Variants in PYGB observed in about 807,000 individuals in gnomAD.
PYGB encodes glycogen phosphorylase B.
PYGB carries 82 observed loss-of-function variants against 94.3 expected under a neutral mutation model. The observed-to-expected ratio is 0.87, with a 90% CI of 0.73 to 1.04. The LOEUF is 1.04. Among genes scored for constraint, PYGB ranks in the 50% least tolerant of loss-of-function variants. The pLI is 0.00. For missense variants in PYGB, 1,132 were observed against 1,158.2 expected (o/e 0.98, Z 0.33); for synonymous variants, 488 against 479.1 (o/e 1.02, Z -0.24).
At chr20:25,280,896 G>A (rs950084947) in intron 10 of PYGB, 53 bp from the exon 11 acceptor site, 26 of 1,588,128 alleles carry the variant, frequency 1.6e-5, no homozygotes, top group Non-Finnish European at 2.1e-5. Context: ...GGAGTGCTGG[G>A]TCTCCGTGGG....
In PYGB at chr20:25,278,286, C is replaced by G. The variant is rs1448692121; in HGVS notation, c.856-33C>G. ...TTCCTGGGGGAGGAGAATGGCCCAG[C>G]CTGCACCCTCCAGCTTGCTCTGCTG... On this transcript the variant is annotated intron_variant, in intron 7 of 19. Transcript: ENST00000216962. 5 of 973,636 alleles carry G rather than the reference C, an allele frequency of 5.1e-6. No homozygotes were observed. In the African/African-American group the frequency reaches 2.0e-4, roughly 38 times the overall value. 60.3% of individuals were successfully genotyped at this position (973,636 alleles called of 1,614,324 possible). A position where few individuals can be genotyped will look rare whatever the true frequency, so the allele number is the denominator to read the frequency against.
intron 1 of PYGB, among the ~76,000 whole-genome samples, chr20:25,253,467 T>C (rs1466864004): frequency 6.6e-6 from 1 of 151,578 alleles, no homozygotes; most frequent in African/African-American, 2.4e-5. Context: ...GCCTGACCAA[T>C]ATGGTGAAAC....
In PYGB at chr20:25,280,807, C is replaced by A; in HGVS notation, c.1240-142C>A. 5 of 1,104,704 alleles carry A rather than the reference C, an allele frequency of 4.5e-6. No homozygotes were observed. The South Asian group carries it at 7.7e-5, about 17-fold the overall frequency. The allele number at this position is 1,104,704 out of a possible 1,614,324, so 68.4% of individuals were successfully genotyped here. On this transcript the variant is annotated intron_variant, in intron 10 of 19. Coordinates refer to ENST00000216962, the MANE Select transcript of PYGB (RefSeq NM_002862.4). ...GGGTCTGGGAGCACTTGAGGGAGGT[C>A]TGGCTGTCACAGCCCCAGAACTTCC...
At chr20:25,281,319 T>C (rs1427054649) in intron 11 of PYGB, among the ~76,000 whole-genome samples, 1 of 152,194 alleles carries the variant, frequency 6.6e-6, no homozygotes, top group African/African-American at 2.4e-5. Context: ...CACGGGGGCC[T>C]CTGGAGGGCT....
chr20:25,265,518 T>G lies in PYGB; in HGVS notation c.346-3611T>G, dbSNP rs113137099. Among the ~76,000 whole-genome samples the G allele has an allele frequency of 6.6e-3, 1,005 of 152,302 alleles. 15 individuals carry two copies. The highest frequency in any genetic ancestry group is 0.023 in the African/African-American group (963 of 41,548). ...TTCACGTGCTTGTGGGCCATTTGTATATCTTGTTTGAAGAAAAGCCTATTC... is the reference window on the plus strand; with the variant it reads ...TTCACGTGCTTGTGGGCCATTTGTAGATCTTGTTTGAAGAAAAGCCTATTC... On this transcript the variant is annotated intron_variant, in intron 2 of 19. Coordinates refer to ENST00000216962, the MANE Select transcript of PYGB (RefSeq NM_002862.4).
intron 2 of PYGB, among the ~76,000 whole-genome samples, chr20:25,263,787 T>C (rs2092918666): frequency 2.6e-5 from 4 of 152,152 alleles, no homozygotes; most frequent in African/African-American, 9.7e-5. Context: ...AGGCAATAAT[T>C]AATAGCCTAG....
chr20:25,279,226 G>T, intron 9 of PYGB, 77 bp downstream of exon 9: 1 of 1,446,072 alleles, frequency 6.9e-7, no homozygotes, highest in Middle Eastern at 1.8e-4. Flanking sequence ...GAGCTGAGCT[G>T]GGGGGCCTCT....
intron 1 of PYGB, among the ~76,000 whole-genome samples, chr20:25,255,678 A>G (rs1393128096): frequency 6.6e-6 from 1 of 152,036 alleles, no homozygotes; most frequent in Non-Finnish European, 1.5e-5. Context: ...GACCGGTTTC[A>G]GACCAGATCT....
At chr20:25,288,395 TTG>T in intron 14 of PYGB, 28 bp from the exon 15 acceptor site, 1 of 1,613,926 alleles carries the variant, frequency 6.2e-7, no homozygotes. Context: ...TCGCGGTGCC[TTG>T]TGTGAGTCTC....
chr20:25,270,251 G>A (rs1044834636), intron 3 of PYGB, among the ~76,000 whole-genome samples: 2 of 145,686 alleles, frequency 1.4e-5, no homozygotes, highest in Middle Eastern at 3.4e-3. Context: ...CGGCCAGGCT[G>A]GAGTGCAGTG....
At chr20:25,254,643 G>T (rs2092898094) in intron 1 of PYGB, among the ~76,000 whole-genome samples, 1 of 152,208 alleles carries the variant, frequency 6.6e-6, no homozygotes, top group African/African-American at 2.4e-5. Flanking sequence ...TAAAATGAAA[G>T]ATTAAAGTAG....
intron 1 of PYGB, among the ~76,000 whole-genome samples, chr20:25,255,590 C>T (rs1287491575): frequency 6.6e-6 from 1 of 152,216 alleles, no homozygotes; most frequent in African/African-American, 2.4e-5. Flanking sequence ...TAGAGGGCGG[C>T]TGGTCTGAGG....
At chr20:25,260,117 A>C (rs1053040130) in intron 2 of PYGB, among the ~76,000 whole-genome samples, 6 of 151,670 alleles carry the variant, frequency 4.0e-5, no homozygotes, top group African/African-American at 1.5e-4. Context: ...CCCCTGCAGG[A>C]CCTCATAGCA....
chr20:25,276,867 C>T lies in PYGB; in HGVS notation c.772+110C>T, dbSNP rs556218264. 119 of 979,386 alleles carry T rather than the reference C, an allele frequency of 1.2e-4. No homozygotes were observed. The South Asian group carries it at 1.2e-3, about 10-fold the overall frequency. 60.7% of individuals were successfully genotyped at this position (979,386 alleles called of 1,614,324 possible). On this transcript the variant is annotated intron_variant, in intron 6 of 19. Coordinates refer to ENST00000216962, the MANE Select transcript of PYGB (RefSeq NM_002862.4). ...GTGGCTCACTGTCCTGGAGGCCGCG[C>T]GGCCCTCCTCTAGGGTGTCCCTGCG...
rs183982249 is a variant in PYGB at position 25,269,152 on chromosome 20, C to T, written c.369C>T (p.Leu123=). ...AGTTGGGGTTAGACTTGGAGGAACT[C>T]GAGGAGATAGAAGAAGATGCTGGCC... ...IYQLGLDLEE[L]EEIEEDAGLG... Residue 123 remains leucine, a synonymous_variant, in exon 3 of 20, where the codon CTC becomes CTT. Coordinates refer to ENST00000216962, the MANE Select transcript of PYGB (RefSeq NM_002862.4). 1.0e-4 allele frequency: 160 copies of T among 1,596,888 alleles called. No individual in the cohort carries two copies. Among genetic ancestry groups the T allele is most frequent in the Middle Eastern group, 1.7e-4 (1 of 6,034 alleles).
chr20:25,292,730 GTGCCCACCCAGGGCTGTGTGCCTGCC>G lies in PYGB; in HGVS notation c.2177+121_2177+146del, dbSNP rs2088480822. The G allele has an allele frequency of 8.5e-6, 11 of 1,292,740 alleles. No individual in the cohort carries two copies. The South Asian group carries it at 1.4e-4, about 17-fold the overall frequency. 80.1% of individuals were successfully genotyped at this position (1,292,740 alleles called of 1,614,324 possible). On this transcript the variant is annotated intron_variant, in intron 17 of 19. Coordinates refer to ENST00000216962, the MANE Select transcript of PYGB (RefSeq NM_002862.4). ...GCCAGGCCACTGTGTGCTAGGGTCAGTGCCCACCCAGGGCTGTGTGCCTGCCTGCAGGGGTGACCATTTCCAGGTGC... is the reference window on the plus strand; with the variant it reads ...GCCAGGCCACTGTGTGCTAGGGTCAGTGCAGGGGTGACCATTTCCAGGTGC...
intron 2 of PYGB, among the ~76,000 whole-genome samples, chr20:25,267,253 A>G (rs1201603369): frequency 1.3e-5 from 2 of 152,204 alleles, no homozygotes; most frequent in Non-Finnish European, 2.9e-5. Flanking sequence ...AGGTAGATCC[A>G]TAGAGATGGA....
chr20:25,256,289 G>A (rs995648184), intron 1 of PYGB, among the ~76,000 whole-genome samples: 1 of 151,860 alleles, frequency 6.6e-6, no homozygotes, highest in Non-Finnish European at 1.5e-5. Context: ...GGTATTTGGT[G>A]TACTGTTCGT....
rs2088323040 is a variant in PYGB, at chr20:25,277,392, G to A, written c.855+66G>A. The A allele has an allele frequency of 2.7e-6, 4 of 1,463,612 alleles. No homozygotes were observed. The South Asian group carries it at 4.7e-5, about 17-fold the overall frequency. 90.7% of individuals were successfully genotyped at this position (1,463,612 alleles called of 1,614,324 possible). On this transcript the variant is annotated intron_variant, in intron 7 of 19. Coordinates refer to ENST00000216962, the MANE Select transcript of PYGB (RefSeq NM_002862.4). ...CTTTCTGGCATAGAGAGGTGGGCTG[G>A]CTGGCCGGGCTCCCCAGTGGGGCCT... is the stretch of plus-strand genomic sequence containing the variant.
Sources: gnomAD v4.1 joint callset for allele counts (sites outside exome capture counted in the v4.1 genomes callset) on GRCh38, gnomAD v4.1.1 for gene constraint, MANE v1.5 for transcripts, NCBI Gene and HGNC (gene_info 2026-07-23, HGNC 2026-07-21) for gene names.